Variants in SETDB2 observed in about 807,000 individuals in gnomAD.
SETDB2 encodes SET domain bifurcated histone lysine methyltransferase 2.
In SETDB2, 56 loss-of-function variants were observed where a neutral mutation model predicts 82.5. The observed-to-expected ratio is 0.68, with a 90% CI of 0.55 to 0.85. The LOEUF is 0.85. SETDB2 is among the 40% of genes least tolerant of loss of function. SETDB2 has a pLI of 0.00. For missense variants in SETDB2, 677 were observed against 816.4 expected (o/e 0.83, Z 2.08); for synonymous variants, 272 against 284.9 (o/e 0.95, Z 0.46).
intron 8 of SETDB2, chr13:49,482,392 T>C (rs1566172829): frequency 2.3e-6 from 2 of 872,896 alleles, no homozygotes; most frequent in Non-Finnish European, 2.7e-6. Flanking sequence ...CCTTTTTAAC[T>C]AGACATAAAA....
intron 2 of SETDB2, 49 bp from the exon 3 acceptor site, chr13:49,460,058 A>G: frequency 1.3e-6 from 2 of 1,550,854 alleles, no homozygotes; most frequent in South Asian, 1.2e-5. Context: ...TAGATAAATT[A>G]TAGTATTTTT....
At chr13:49,473,366 A>G (rs1015935179) in intron 5 of SETDB2, among the ~76,000 whole-genome samples, 4 of 152,000 alleles carry the variant, frequency 2.6e-5, no homozygotes, top group African/African-American at 9.7e-5. Flanking sequence ...CCTGGGCAAC[A>G]TGGTGAGACC....
At chr13:49,450,560 TGCCCATC>T (rs1451162447) in intron 1 of SETDB2, among the ~76,000 whole-genome samples, 3 of 152,208 alleles carry the variant, frequency 2.0e-5, no homozygotes, top group African/African-American at 7.2e-5. Flanking sequence ...AGAGGATTCC[TGCCCATC>T]GTTTTGCTGT....
chr13:49,477,810 GTT>G (rs947504723), intron 6 of SETDB2, among the ~76,000 whole-genome samples: 13 of 152,120 alleles, frequency 8.5e-5, no homozygotes, highest in Non-Finnish European at 1.9e-4. Flanking sequence ...TAACCATTGG[GTT>G]ATATGTTGCA....
chr13:49,457,435 CT>C (rs34354093), intron 2 of SETDB2, among the ~76,000 whole-genome samples: 61,294 of 97,660 alleles, frequency 0.63, 17,429 homozygotes, highest in East Asian at 0.72. Flanking sequence ...ATTTCTAAGA[CT>C]TTTTTTTTTT....
At chr13:49,459,339 C>G (rs1302412433) in intron 2 of SETDB2, among the ~76,000 whole-genome samples, 3 of 152,214 alleles carry the variant, frequency 2.0e-5, no homozygotes, top group African/African-American at 7.2e-5. Flanking sequence ...CATTAATCCT[C>G]CCTGTGCCTA....
chr13:49,464,066 G>A, intron 4 of SETDB2: 1 of 775,988 alleles, frequency 1.3e-6, no homozygotes, highest in Non-Finnish European at 2.4e-6. Context: ...GGTGAGATTT[G>A]AGAGCACATT....
At chr13:49,453,596 C>T (rs1325469663) in intron 2 of SETDB2, among the ~76,000 whole-genome samples, 1 of 152,124 alleles carries the variant, frequency 6.6e-6, no homozygotes, top group African/African-American at 2.4e-5. Context: ...CCATGTCCTG[C>T]TCAGTTGGCT....
intron 4 of SETDB2, among the ~76,000 whole-genome samples, chr13:49,467,339 GA>G (rs1166353562): frequency 6.6e-6 from 1 of 152,010 alleles, no homozygotes; most frequent in Non-Finnish European, 1.5e-5. Flanking sequence ...AGGTTGCAGT[GA>G]GCCAAGATCA....
intron 6 of SETDB2, among the ~76,000 whole-genome samples, chr13:49,478,407 C>T (rs1178302448): frequency 1.3e-5 from 2 of 152,122 alleles, no homozygotes; most frequent in Admixed American, 1.3e-4. Flanking sequence ...AGCTGTAAAA[C>T]CAATGGGGTC....
At chr13:49,463,271 A>G (rs1958033802) in intron 4 of SETDB2, among the ~76,000 whole-genome samples, 1 of 152,028 alleles carries the variant, frequency 6.6e-6, no homozygotes, top group Non-Finnish European at 1.5e-5. Context: ...TCGGCCTCCC[A>G]AAGTGCTGGG....
intron 1 of SETDB2, among the ~76,000 whole-genome samples, chr13:49,447,469 C>T (rs1455430904): frequency 1.3e-5 from 2 of 151,946 alleles, no homozygotes; most frequent in Admixed American, 6.6e-5. Context: ...AAAAATTCTC[C>T]GAATGTTTCA....
At chr13:49,485,343 T>A (rs765347433) in intron 10 of SETDB2, among the ~76,000 whole-genome samples, 13 of 152,186 alleles carry the variant, frequency 8.5e-5, no homozygotes, top group Admixed American at 2.0e-4. Context: ...ATGATTAGAA[T>A]TGGGGGATAC....
intron 5 of SETDB2, among the ~76,000 whole-genome samples, chr13:49,471,934 A>ATATATATATATATATT (rs1378783393): frequency 1.7e-4 from 20 of 119,246 alleles, no homozygotes; most frequent in East Asian, 1.2e-3. Flanking sequence ...ATATATATAT[A>ATATATATATATATATT]TTTTTTTTTT....
chr13:49,481,186 C>G, intron 8 of SETDB2, 70 bp downstream of exon 8: 1 of 1,467,650 alleles, frequency 6.8e-7, no homozygotes, highest in Non-Finnish European at 9.3e-7. Context: ...ATTTTCCTAG[C>G]CAGGGCTGTT....
At chr13:49,477,178 G>A (rs1012201394) in intron 6 of SETDB2, 139 bp downstream of exon 6, 1 of 765,268 alleles carries the variant, frequency 1.3e-6, no homozygotes, top group Non-Finnish European at 2.0e-6. Flanking sequence ...GCCCACGTGT[G>A]TAATCCCAGC....
intron 4 of SETDB2, among the ~76,000 whole-genome samples, chr13:49,465,010 G>A (rs1958073363): frequency 6.6e-6 from 1 of 151,620 alleles, no homozygotes; most frequent in Admixed American, 6.6e-5. Flanking sequence ...AGTCTGCAGT[G>A]AGCTGGGATC....
Position 49,488,442 on chromosome 13 carries a change from A to G in SETDB2, c.1729A>G (p.Ile577Val). 2 of 1,614,170 alleles carry G rather than the reference A, an allele frequency of 1.2e-6. No homozygotes were observed. Among genetic ancestry groups the G allele is most frequent in the Middle Eastern group, 1.6e-4 (1 of 6,062 alleles). ...TLDNQNIKKA[I>V]EVQIQKPQEG... ...GGATAATCAGAATATTAAAAAGGCA[A>G]TTGAGGTTCAAATTCAGAAACCCCA... is the stretch of plus-strand genomic sequence containing the variant. Residue 577 changes from isoleucine (I) to valine (V), a missense_variant, in exon 12 of 14, where the codon ATT (isoleucine) becomes GTT (valine). By Grantham distance (29) the Ile-to-Val change is conservative. Transcript: ENST00000611815.
chr13:49,483,550 A>G lies in SETDB2; in HGVS notation c.1469A>G (p.Asn490Ser), dbSNP rs762546496. 7 of 1,455,392 alleles carry G rather than the reference A, an allele frequency of 4.8e-6. No homozygotes were observed. The highest frequency in any genetic ancestry group is 1.5e-5 in the African/African-American group (1 of 68,676). The allele number at this position is 1,455,392 out of a possible 1,614,324, so 90.2% of individuals were successfully genotyped here. The change falls in exon 10 of 14, where the codon AAT becomes AGT. Residue 490 changes from asparagine to serine, a missense_variant. Asn to Ser is a conservative substitution (Grantham distance 46, BLOSUM62 1). This residue lies in a region of SETDB2 where 420 missense variants were observed against 554.6 expected (regional missense o/e 0.76). Coordinates refer to ENST00000611815, the MANE Select transcript of SETDB2 (RefSeq NM_001160308.3). ...PESKTAIFQH[N>S]GKKMEFVSSE... is the part of the protein sequence containing the mutation. ...TCCAAGACAGCCATTTTTCAACACAATGGGAAAAAAATGGTAAAAAATGCA... is the reference window on the plus strand; with the variant it reads ...TCCAAGACAGCCATTTTTCAACACAGTGGGAAAAAAATGGTAAAAAATGCA...
Sources: allele counts gnomAD v4.1 joint callset (sites outside exome capture counted in the v4.1 genomes callset), GRCh38; gene constraint gnomAD v4.1.1; regional missense constraint gnomAD v4.1.1; transcripts MANE v1.5; gene names NCBI Gene and HGNC (gene_info 2026-07-23, HGNC 2026-07-21).